The following HOMER2 variants were observed in gnomAD, a reference collection of about 807,000 sequenced individuals.
HOMER2 encodes the protein homer protein homolog 2.
Under a neutral mutation model 47.0 loss-of-function variants are expected in HOMER2, and 27 were observed. That is an observed-to-expected ratio of 0.57 (90% CI 0.42 to 0.79). The LOEUF (loss-of-function observed/expected upper bound fraction) is 0.79. Ranked by LOEUF, HOMER2 falls within the 30% of genes least tolerant of loss-of-function variation. The probability of loss-of-function intolerance (pLI) is 0.00; values close to 1 mark genes in which losing one functional copy is unlikely to be tolerated. For synonymous variants in HOMER2, 161 were observed against 163.8 expected (o/e 0.98, Z 0.13); for missense variants, 443 against 435.0 (o/e 1.02, Z -0.16).
upstream of HOMER2, chr15:82,986,014 A>G: frequency 1.0e-6 from 1 of 971,516 alleles, no homozygotes; most frequent in Non-Finnish European, 1.2e-6. Context: ...TCGACTGCCC[A>G]GCCACCAGGC....
At chr15:82,919,014 G>A (rs1304453925) in intron 1 of HOMER2, among the ~76,000 whole-genome samples, 1 of 152,188 alleles carries the variant, frequency 6.6e-6, no homozygotes, top group Admixed American at 6.5e-5. Context: ...CTGGGAAGAA[G>A]TAGCCTGCTG....
chr15:82,865,865 A>G (rs1453459977), intron 3 of HOMER2, among the ~76,000 whole-genome samples: 1 of 152,232 alleles, frequency 6.6e-6, no homozygotes, highest in African/African-American at 2.4e-5. Flanking sequence ...CCTAGATTTC[A>G]GAGGATGTAT....
At position 82,849,660 on chromosome 15, in the gene HOMER2, C is replaced by G. The variant is rs1359332032; in HGVS notation, c.*55G>C. 1 of 1,495,522 alleles carries G rather than the reference C, an allele frequency of 6.7e-7. No homozygotes were observed. Among genetic ancestry groups the G allele is most frequent in the Non-Finnish European group, 9.1e-7 (1 of 1,094,252 alleles). 92.6% of individuals were successfully genotyped at this position (1,495,522 alleles called of 1,614,324 possible). ...ACACAGAAGAACGTCCTAGAGCTATCTGGTCTCGCACACACGCTTGGGACT... is the reference window on the plus strand; with the variant it reads ...ACACAGAAGAACGTCCTAGAGCTATGTGGTCTCGCACACACGCTTGGGACT... On this transcript the variant is annotated 3_prime_UTR_variant, in exon 9 of 9. Transcript: ENST00000450735.
In HOMER2 at chr15:82,849,872, T is replaced by A; in HGVS notation, c.875A>T (p.Asp292Val). 1 of 1,613,904 alleles carries A rather than the reference T, an allele frequency of 6.2e-7. No individual in the cohort carries two copies. The highest frequency in any genetic ancestry group is 8.5e-7 in the Non-Finnish European group (1 of 1,179,822). ...AAERDNQNLE[D>V]KVRSLKTDIE... ...GTCTGTCTTTAAGGAACGCACTTTG[T>A]CTTCCAGGTTTTGATTGTCTCTCTC... is the stretch of plus-strand genomic sequence containing the variant. The change falls in exon 9 of 9, where the codon GAC (aspartate) becomes GTC (valine). Residue 292 changes from aspartate to valine, a missense_variant. Physicochemically the swap from Asp to Val is radical, Grantham distance 152. Transcript: ENST00000450735.
At chr15:82,906,406 A>T (rs2053286983) in intron 1 of HOMER2, among the ~76,000 whole-genome samples, 1 of 152,180 alleles carries the variant, frequency 6.6e-6, no homozygotes, top group Non-Finnish European at 1.5e-5. Context: ...ATGGGTTAAA[A>T]AATAAGGCCT....
chr15:82,965,766 C>T (rs1389790387), intron 1 of HOMER2, among the ~76,000 whole-genome samples: 1 of 150,218 alleles, frequency 6.7e-6, no homozygotes, highest in Non-Finnish European at 1.5e-5. Flanking sequence ...GTCCTCAAAG[C>T]CCTTTTTTTT....
chr15:82,877,914 G>A (rs1379636157), intron 2 of HOMER2, among the ~76,000 whole-genome samples: 1 of 152,108 alleles, frequency 6.6e-6, no homozygotes, highest in Non-Finnish European at 1.5e-5. Context: ...GGACCTTGGA[G>A]GGTGGGGGGA....
chr15:82,899,153 C>G (rs1434107590), intron 1 of HOMER2, among the ~76,000 whole-genome samples: 1 of 152,252 alleles, frequency 6.6e-6, no homozygotes, highest in Non-Finnish European at 1.5e-5. Context: ...TGGCCCTGCC[C>G]TCTCACCAGA....
intron 1 of HOMER2, among the ~76,000 whole-genome samples, chr15:82,932,405 G>A (rs1046434116): frequency 1.3e-5 from 2 of 151,744 alleles, no homozygotes; most frequent in African/African-American, 4.8e-5. Flanking sequence ...TCAGGCAGGA[G>A]AATCGCTTGA....
rs144037186 is a variant in HOMER2 at position 82,905,038 on chromosome 15, A to T, written c.6-12197T>A. On this transcript the variant is annotated intron_variant, in intron 1 of 8. Coordinates refer to ENST00000450735, the MANE Select transcript of HOMER2 (RefSeq NM_004839.4). The stretch of plus-strand genomic sequence containing the variant: ...GGCTTTGATGGAAAAAGTAGACAGC[A>T]TGCAAGAACAGATGGATAATGTAAG... Among the ~76,000 whole-genome samples the T allele has an allele frequency of 6.4e-4, 97 of 152,326 alleles. No homozygotes were observed. The East Asian group carries it at 0.017, about 27-fold the overall frequency.
chr15:82,878,048 C>G (rs530148352), intron 2 of HOMER2, among the ~76,000 whole-genome samples: 3 of 152,314 alleles, frequency 2.0e-5, no homozygotes, highest in South Asian at 2.1e-4. Context: ...GGTCATCTCT[C>G]AATTACCAGA....
chr15:82,844,954 C>T (rs538775457), downstream of HOMER2: 1 of 152,318 alleles, frequency 6.6e-6, no homozygotes, highest in South Asian at 2.1e-4. Flanking sequence ...GGGACTCTGC[C>T]GTGGTTTACG....
intron 5 of HOMER2, among the ~76,000 whole-genome samples, chr15:82,857,323 T>G (rs2051618591): frequency 6.6e-6 from 1 of 151,308 alleles, no homozygotes; most frequent in South Asian, 2.1e-4. Context: ...CTTTCTAGCC[T>G]CCAGAACTGT....
chr15:82,977,057 GA>G (rs2030231967), intron 1 of HOMER2, among the ~76,000 whole-genome samples: 2 of 150,994 alleles, frequency 1.3e-5, no homozygotes, highest in African/African-American at 2.4e-5. Context: ...TTTGTGGGGT[GA>G]AAAAAAATCC....
downstream of HOMER2, chr15:82,836,898 G>A (rs1319285734): frequency 6.6e-6 from 1 of 152,272 alleles, no homozygotes; most frequent in East Asian, 1.9e-4. Context: ...GCACATGAGA[G>A]TGCATTGGTT....
At chr15:82,855,344 A>AAAAAAAG (rs2051547188) in intron 5 of HOMER2, among the ~76,000 whole-genome samples, 1 of 150,850 alleles carries the variant, frequency 6.6e-6, no homozygotes, top group African/African-American at 2.4e-5. Context: ...AAAAAAAAAA[A>AAAAAAAG]AAAAAGAAAA....
intron 1 of HOMER2, among the ~76,000 whole-genome samples, chr15:82,976,740 C>T (rs1240089580): frequency 1.5e-5 from 2 of 136,636 alleles, no homozygotes; most frequent in African/African-American, 5.6e-5. Context: ...AGTACAATGG[C>T]GTGATCTTGG....
At chr15:82,855,325 CAAAAAAAAAA>C (rs1162254209) in intron 5 of HOMER2, among the ~76,000 whole-genome samples, 14 of 61,518 alleles carry the variant, frequency 2.3e-4, no homozygotes, top group Admixed American at 5.2e-4. Context: ...ACTCCATCTC[CAAAAAAAAAA>C]AAAAAAAAAA....
At chr15:82,919,661 T>A (rs1237813520) in intron 1 of HOMER2, among the ~76,000 whole-genome samples, 1 of 152,228 alleles carries the variant, frequency 6.6e-6, no homozygotes, top group Non-Finnish European at 1.5e-5. Flanking sequence ...TAGAGTACTA[T>A]GTAACCCTTT....
Sources: allele counts gnomAD v4.1 joint callset (sites outside exome capture counted in the v4.1 genomes callset), GRCh38; gene constraint gnomAD v4.1.1; transcripts MANE v1.5; gene names NCBI Gene and HGNC (gene_info 2026-07-23, HGNC 2026-07-21).